IGF1R: variants seen among roughly 807,000 people sequenced by gnomAD.
IGF1R encodes the protein insulin like growth factor 1 receptor.
IGF1R carries 44 observed loss-of-function variants against 144.6 expected under a neutral mutation model. That is an observed-to-expected ratio of 0.30 (90% CI 0.24 to 0.39). IGF1R has a LOEUF of 0.39. Among genes scored for constraint, IGF1R ranks in the 10% least tolerant of loss-of-function variants. The probability of loss-of-function intolerance (pLI) is 1.00; values close to 1 mark genes in which losing one functional copy is unlikely to be tolerated. For synonymous variants in IGF1R, 795 were observed against 722.8 expected (o/e 1.10, Z -1.60); for missense variants, 1,355 against 1,833.7 (o/e 0.74, Z 4.77).
chr15:98,867,158 A>G lies in IGF1R; in HGVS notation c.641-24167A>G, dbSNP rs957427060. Among the ~76,000 whole-genome samples, 33 of 64,806 alleles carry G rather than the reference A, an allele frequency of 5.1e-4. 1 individual carries two copies. The highest frequency in any genetic ancestry group is 5.6e-4 in the African/African-American group (10 of 17,872). The allele number at this position is 64,806 out of a possible 152,430, so 42.5% of individuals were successfully genotyped here. On this transcript the variant is annotated intron_variant, in intron 2 of 20. Coordinates refer to ENST00000650285, the MANE Select transcript of IGF1R (RefSeq NM_000875.5). Reference sequence around the variant, plus strand: ...CTTGTGCCAGGAGAGAAAGGGGGAGAGAGAGAGAGAGAGAGAGAGAGAGAG... The same window carrying G: ...CTTGTGCCAGGAGAGAAAGGGGGAGGGAGAGAGAGAGAGAGAGAGAGAGAG...
intron 7 of IGF1R, 141 bp downstream of exon 7, chr15:98,911,582 T>A: frequency 9.4e-7 from 1 of 1,060,786 alleles, no homozygotes; most frequent in Non-Finnish European, 1.4e-6. Context: ...CATCCCTACT[T>A]CATCCTCATG....
At chr15:98,700,428 T>A (rs981379887) in intron 1 of IGF1R, among the ~76,000 whole-genome samples, 2 of 151,926 alleles carry the variant, frequency 1.3e-5, no homozygotes, top group African/African-American at 4.8e-5. Context: ...GTGTGGTGGG[T>A]TATTCAGTTC....
chr15:98,943,556 G>T (rs575988889), intron 19 of IGF1R, among the ~76,000 whole-genome samples: 2 of 152,216 alleles, frequency 1.3e-5, no homozygotes, highest in African/African-American at 2.4e-5. Flanking sequence ...TGGACCCAGG[G>T]ATGGTTATGG....
chr15:98,902,679 G>T (rs1181456630), intron 5 of IGF1R, among the ~76,000 whole-genome samples: 1 of 152,148 alleles, frequency 6.6e-6, no homozygotes, highest in Non-Finnish European at 1.5e-5. Context: ...CTCCCAATGT[G>T]CTGGGATTAC....
intron 1 of IGF1R, among the ~76,000 whole-genome samples, chr15:98,657,700 T>C (rs569274692): frequency 3.8e-4 from 58 of 152,308 alleles, no homozygotes; most frequent in African/African-American, 1.3e-3. Flanking sequence ...ACTTTTGTTA[T>C]GGTAGCCTTT....
chr15:98,935,447 G>T lies in IGF1R; in HGVS notation c.3297+21G>T, dbSNP rs948853535. On this transcript the variant is annotated intron_variant, in intron 17 of 20. Transcript: ENST00000650285. The surrounding 1 kb of genome is among the most constrained non-coding windows in gnomAD (Gnocchi z 4.2). ...TGGAGGTCAGTTTTCATTTCCACCG[G>T]TATTGCATGTTGCCTGGCCTGCTCT... 7.5e-7 allele frequency: 1 copy of T among 1,330,328 alleles called. No homozygotes were observed. The highest frequency in any genetic ancestry group is 1.1e-6 in the Non-Finnish European group (1 of 944,686). The allele number at this position is 1,330,328 out of a possible 1,614,324, so 82.4% of individuals were successfully genotyped here.
chr15:98,808,691 T>C (rs2056519622), intron 2 of IGF1R, among the ~76,000 whole-genome samples: 1 of 149,014 alleles, frequency 6.7e-6, no homozygotes, highest in Admixed American at 6.6e-5. Context: ...TTTTTTTTCT[T>C]TTTGAAGAGA....
intron 2 of IGF1R, among the ~76,000 whole-genome samples, chr15:98,713,465 T>A (rs528858653): frequency 2.7e-4 from 41 of 152,350 alleles, no homozygotes; most frequent in African/African-American, 9.6e-4. Flanking sequence ...CAACTCTTAG[T>A]TGGCAGAGAG....
In IGF1R at chr15:98,915,946, C is replaced by G. The variant is rs772036632; in HGVS notation, c.1829-18C>G. On this transcript the variant is annotated intron_variant, in intron 8 of 20. Coordinates refer to ENST00000650285, the MANE Select transcript of IGF1R (RefSeq NM_000875.5). ...AGTTCATTTCATTTTCTAGAATGTT[C>G]TTTGTTCCCCTCTCCAGTTCCTTCC... 3.1e-6 allele frequency: 5 copies of G among 1,612,748 alleles called. No homozygotes were observed. The highest frequency in any genetic ancestry group is 1.7e-5 in the Admixed American group (1 of 60,028).
chr15:98,717,715 T>C (rs2054152774), intron 2 of IGF1R, among the ~76,000 whole-genome samples: 1 of 152,220 alleles, frequency 6.6e-6, no homozygotes, highest in African/African-American at 2.4e-5. Context: ...TTAAGAAATA[T>C]CCATAGATTC....
At chr15:98,907,604 C>G (rs1249897174) in intron 5 of IGF1R, among the ~76,000 whole-genome samples, 1 of 152,234 alleles carries the variant, frequency 6.6e-6, no homozygotes, top group Non-Finnish European at 1.5e-5. Context: ...ACTCAGAAGT[C>G]AACCCTGGCA....
At position 98,939,207 on chromosome 15, in the gene IGF1R, C is replaced by G. The variant is rs924115395; in HGVS notation, c.3304C>G (p.Pro1102Ala). 2 of 1,613,592 alleles carry G rather than the reference C, an allele frequency of 1.2e-6. No individual in the cohort carries two copies. Among genetic ancestry groups the G allele is most frequent in the Admixed American group, 1.7e-5 (1 of 60,020 alleles). Reference sequence around the variant, plus strand: ...TTTTTTAAATCTCCAACAGAATAATCCAGTCCTAGCACCTCCAAGCCTGAG... The same window carrying G: ...TTTTTTAAATCTCCAACAGAATAATGCAGTCCTAGCACCTCCAAGCCTGAG... ...RSLRPEMENN[P>A]VLAPPSLSKM... Residue 1102 changes from proline to alanine, a missense_variant, in exon 18 of 21, where the codon CCA becomes GCA. Physicochemically the swap from Pro to Ala is conservative, Grantham distance 27 (BLOSUM62 -1). Transcript: ENST00000650285.
chr15:98,752,011 G>A (rs117358759), intron 2 of IGF1R, among the ~76,000 whole-genome samples: 2 of 152,142 alleles, frequency 1.3e-5, no homozygotes, highest in East Asian at 3.9e-4. Context: ...TTGTTTACAC[G>A]GGAATTAGGG....
In IGF1R at chr15:98,964,411, G is replaced by GC. The variant is rs1567231181; in HGVS notation, c.*6969_*6970insC. 1.3e-4 allele frequency: 30 copies of GC among 229,326 alleles called. No homozygotes were observed. The highest frequency in any genetic ancestry group is 6.4e-4 in the African/African-American group (29 of 45,060). 14.2% of individuals were successfully genotyped at this position (229,326 alleles called of 1,614,324 possible). ...ATATACTCTGGATTCTTTACATAAT[G>GC]GAAAAAAGAAACTGTCTATTTTGAA... is the stretch of plus-strand genomic sequence containing the variant. On this transcript the variant is annotated 3_prime_UTR_variant, in exon 21 of 21. Transcript: ENST00000650285.
At chr15:98,683,791 G>C (rs1046567196) in intron 1 of IGF1R, among the ~76,000 whole-genome samples, 1 of 152,116 alleles carries the variant, frequency 6.6e-6, no homozygotes, top group African/African-American at 2.4e-5. Flanking sequence ...GCCAAGAAAG[G>C]GCACAAAGGC....
At position 98,960,037 on chromosome 15, in the gene IGF1R, G is replaced by GT. The variant is rs927464823; in HGVS notation, c.*2603dup. On this transcript the variant is annotated 3_prime_UTR_variant, in exon 21 of 21. Coordinates refer to ENST00000650285, the MANE Select transcript of IGF1R (RefSeq NM_000875.5). ...GATGGGACAGTTCTTGATTTTTTGG[G>GT]TTTTTTTTCCCCCAAACATTTATCT... The GT allele has an allele frequency of 4.3e-5, 10 of 232,800 alleles. No individual in the cohort carries two copies. Among genetic ancestry groups the GT allele is most frequent in the Admixed American group, 1.1e-4 (2 of 17,706 alleles). The allele number at this position is 232,800 out of a possible 1,614,324, so 14.4% of individuals were successfully genotyped here. A position where few individuals can be genotyped will look rare whatever the true frequency, so the allele number is the denominator to read the frequency against.
At chr15:98,900,459 G>C (rs549407829) in intron 5 of IGF1R, among the ~76,000 whole-genome samples, 28 of 152,216 alleles carry the variant, frequency 1.8e-4, no homozygotes, top group Non-Finnish European at 3.5e-4. Context: ...GGGAAAGGTT[G>C]TCTTTGCTGA....
intron 1 of IGF1R, among the ~76,000 whole-genome samples, chr15:98,667,583 T>A (rs1415842981): frequency 6.6e-6 from 1 of 152,164 alleles, no homozygotes; most frequent in Non-Finnish European, 1.5e-5. Context: ...GGGCTATTTT[T>A]TTCTGCTTGG....
chr15:98,949,912 G>A (rs143183879), intron 20 of IGF1R, among the ~76,000 whole-genome samples: 8 of 152,294 alleles, frequency 5.3e-5, no homozygotes, highest in Admixed American at 4.6e-4. Context: ...ATGAGTTTGA[G>A]GAGGGGGTGA....
Sources: gnomAD v4.1 joint callset for allele counts (sites outside exome capture counted in the v4.1 genomes callset) on GRCh38, gnomAD v4.1.1 for gene constraint, Gnocchi (gnomAD v3.1) non-coding constraint, MANE v1.5 for transcripts, NCBI Gene and HGNC (gene_info 2026-07-23, HGNC 2026-07-21) for gene names.